IL12RB2: variants seen among roughly 807,000 people sequenced by gnomAD.
IL12RB2 encodes the protein interleukin-12 receptor subunit beta-2.
A neutral mutation model predicts 89.4 loss-of-function variants in IL12RB2; 82 were observed. That is an observed-to-expected ratio of 0.92 (90% CI 0.77 to 1.10). IL12RB2 has a LOEUF of 1.10. IL12RB2 is among the 50% of genes least tolerant of loss of function. The probability of loss-of-function intolerance (pLI) is 0.00; values close to 1 mark genes in which losing one functional copy is unlikely to be tolerated. For missense variants in IL12RB2, 963 were observed against 1,031.9 expected, an observed-to-expected ratio of 0.93 and a Z score of 0.92; for synonymous variants, 368 against 370.1, an observed-to-expected ratio of 0.99 and a Z score of 0.07.
At chr1:67,383,264 A>G (rs1664795673) in intron 14 of IL12RB2, among the ~76,000 whole-genome samples, 2 of 152,194 alleles carry the variant, frequency 1.3e-5, no homozygotes, top group South Asian at 2.1e-4. Flanking sequence ...CAGCATGAAG[A>G]TAACTGCCCC....
intron 14 of IL12RB2, among the ~76,000 whole-genome samples, chr1:67,385,496 C>T (rs558575501): frequency 6.6e-6 from 1 of 152,320 alleles, no homozygotes; most frequent in African/African-American, 2.4e-5. Flanking sequence ...CAAACCATAT[C>T]ACCATGGCAT....
At chr1:67,340,006 A>G (rs1183075960) in intron 9 of IL12RB2, among the ~76,000 whole-genome samples, 1 of 151,476 alleles carries the variant, frequency 6.6e-6, no homozygotes, top group Non-Finnish European at 1.5e-5. Context: ...TTTTGGAATT[A>G]TGAATCTGAA....
intron 10 of IL12RB2, 92 bp from the exon 11 acceptor site, chr1:67,367,733 T>C: frequency 2.5e-6 from 2 of 793,776 alleles, no homozygotes; most frequent in East Asian, 2.4e-5. Flanking sequence ...TAAAACTTTT[T>C]CGTTGGGATA....
chr1:67,371,031 TG>T (rs769988885), intron 11 of IL12RB2, among the ~76,000 whole-genome samples: 5 of 152,176 alleles, frequency 3.3e-5, no homozygotes, highest in Non-Finnish European at 7.4e-5. Flanking sequence ...AGGCGGTGGT[TG>T]GTTGGCCCCT....
At chr1:67,364,288 G>A (rs1009162036) in intron 10 of IL12RB2, among the ~76,000 whole-genome samples, 2 of 152,222 alleles carry the variant, frequency 1.3e-5, no homozygotes, top group Non-Finnish European at 2.9e-5. Flanking sequence ...CTACTTGGGA[G>A]GATGAGGCAG....
At chr1:67,385,220 G>A (rs1665009343) in intron 14 of IL12RB2, among the ~76,000 whole-genome samples, 1 of 152,194 alleles carries the variant, frequency 6.6e-6, no homozygotes, top group Non-Finnish European at 1.5e-5. Flanking sequence ...TGGCTAGGGA[G>A]GGCTCAGGAA....
chr1:67,378,108 C>A lies in IL12RB2; in HGVS notation c.1718-1878C>A, dbSNP rs1664172237. Among the ~76,000 whole-genome samples, 4 of 144,080 alleles carry A rather than the reference C, an allele frequency of 2.8e-5. No individual in the cohort carries two copies. In the South Asian group the frequency reaches 9.7e-4, roughly 35 times the overall value. 94.5% of individuals were successfully genotyped at this position (144,080 alleles called of 152,430 possible). A position where few individuals can be genotyped will look rare whatever the true frequency, so the allele number is the denominator to read the frequency against. Reference sequence around the variant, plus strand: ...CTCCAGCCTGGGTGACAGAGTGAGACTCCATCTTAAAAAACAAAACAAACA... The same window carrying A: ...CTCCAGCCTGGGTGACAGAGTGAGAATCCATCTTAAAAAACAAAACAAACA... On this transcript the variant is annotated intron_variant, in intron 13 of 16. Coordinates refer to ENST00000674203, the MANE Select transcript of IL12RB2 (RefSeq NM_001374259.2).
chr1:67,326,666 GC>G, intron 4 of IL12RB2, 68 bp from the exon 5 acceptor site: 1 of 1,579,252 alleles, frequency 6.3e-7, no homozygotes, highest in Non-Finnish European at 8.6e-7. Context: ...CATGTTGATG[GC>G]AGATAATAAC....
At chr1:67,338,464 T>A (rs574913976) in intron 8 of IL12RB2, among the ~76,000 whole-genome samples, 160 bp from the exon 9 acceptor site, 1 of 151,268 alleles carries the variant, frequency 6.6e-6, no homozygotes, top group Non-Finnish European at 1.5e-5. Context: ...AAGATATATA[T>A]GTTCATTGTT....
In IL12RB2 at chr1:67,329,673, C is replaced by T. The variant is rs564937204; in HGVS notation, c.751C>T (p.Leu251=). The T allele has an allele frequency of 7.6e-5, 121 of 1,593,230 alleles. 2 individuals are homozygous for T. The South Asian group carries it at 1.3e-3, about 17-fold the overall frequency. ...RCTLYWRDEG[L]VLLNRLRYRP... ...TACCCTTTATTGGAGAGATGAGGGA[C>T]TGGTACTGCTTAATCGACTCAGATA... The change falls in exon 7 of 17, where the codon CTG becomes TTG. Residue 251 remains leucine, a synonymous_variant. Coordinates refer to ENST00000674203, the MANE Select transcript of IL12RB2 (RefSeq NM_001374259.2).
At chr1:67,388,870 G>A (rs1665507943) in intron 15 of IL12RB2, among the ~76,000 whole-genome samples, 1 of 152,138 alleles carries the variant, frequency 6.6e-6, no homozygotes, top group Non-Finnish European at 1.5e-5. Flanking sequence ...ACCAGCCATT[G>A]AACTTGTCTA....
intron 10 of IL12RB2, among the ~76,000 whole-genome samples, chr1:67,361,516 G>A (rs1301697283): frequency 1.3e-5 from 2 of 152,158 alleles, no homozygotes; most frequent in Admixed American, 6.5e-5. Flanking sequence ...AACAAATGAA[G>A]AATGTCTTTG....
chr1:67,312,271 T>A (rs1168314285), intron 1 of IL12RB2, among the ~76,000 whole-genome samples: 1 of 152,038 alleles, frequency 6.6e-6, no homozygotes, highest in African/African-American at 2.4e-5. Context: ...AGAGAGTGAA[T>A]CAGAGAAGGC....
intron 16 of IL12RB2, 143 bp from the exon 17 acceptor site, chr1:67,395,404 C>A: frequency 6.7e-7 from 1 of 1,502,184 alleles, no homozygotes. Flanking sequence ...GTTTCTCTTA[C>A]CTCGCAAACT....
intron 8 of IL12RB2, among the ~76,000 whole-genome samples, chr1:67,333,157 G>A (rs998244055): frequency 6.6e-6 from 1 of 152,120 alleles, no homozygotes; most frequent in Non-Finnish European, 1.5e-5. Context: ...TTCTGTCTCT[G>A]AATCTCCCTT....
chr1:67,347,041 C>T (rs913281700), intron 9 of IL12RB2, among the ~76,000 whole-genome samples: 11 of 152,164 alleles, frequency 7.2e-5, no homozygotes, highest in African/African-American at 2.7e-4. Flanking sequence ...AATAAGCCTA[C>T]ACTGTACATG....
chr1:67,385,911 T>C (rs956340530), intron 14 of IL12RB2, among the ~76,000 whole-genome samples: 1 of 152,048 alleles, frequency 6.6e-6, no homozygotes, highest in Non-Finnish European at 1.5e-5. Flanking sequence ...ATTTTATAGA[T>C]CAAGAAACTG....
chr1:67,317,852 G>T (rs560749599), intron 2 of IL12RB2, among the ~76,000 whole-genome samples: 1 of 152,080 alleles, frequency 6.6e-6, no homozygotes, highest in Admixed American at 6.6e-5. Flanking sequence ...GCTCTTATGG[G>T]GCTTATATTC....
intron 3 of IL12RB2, among the ~76,000 whole-genome samples, chr1:67,321,068 G>GT (rs1056439136): frequency 5.9e-4 from 87 of 147,432 alleles, no homozygotes; most frequent in Admixed American, 2.0e-3. Context: ...AGTTTGGTTT[G>GT]TTTTTTTTTT....
Sources: gnomAD v4.1 joint callset for allele counts (sites outside exome capture counted in the v4.1 genomes callset) on GRCh38, gnomAD v4.1.1 for gene constraint, MANE v1.5 for transcripts, NCBI Gene and HGNC (gene_info 2026-07-23, HGNC 2026-07-21) for gene names.